Variants in CCDC178 observed in about 807,000 individuals in gnomAD.
The protein encoded by CCDC178 is coiled-coil domain-containing protein 178.
CCDC178 carries 126 observed loss-of-function variants against 117.4 expected under a neutral mutation model. The ratio of observed to expected loss-of-function variants is 1.07; its 90% confidence interval spans 0.93 to 1.24. The LOEUF (loss-of-function observed/expected upper bound fraction) is 1.24. Among genes scored for constraint, CCDC178 ranks in the 50% most tolerant of loss-of-function variants. The probability of loss-of-function intolerance (pLI) is 0.00; values close to 1 mark genes in which losing one functional copy is unlikely to be tolerated. For missense variants in CCDC178, 1,030 were observed against 986.9 expected (o/e 1.04, Z -0.59); for synonymous variants, 283 against 313.4 (o/e 0.90, Z 1.02).
chr18:33,252,510 T>C (rs1315536914), intron 14 of CCDC178, among the ~76,000 whole-genome samples: 1 of 151,758 alleles, frequency 6.6e-6, no homozygotes, highest in African/African-American at 2.4e-5. Context: ...TTTAAAACAT[T>C]GATGCAAAAG....
At chr18:32,969,665 T>C (rs1419704149) in intron 22 of CCDC178, among the ~76,000 whole-genome samples, 1 of 152,032 alleles carries the variant, frequency 6.6e-6, no homozygotes, top group African/African-American at 2.4e-5. Flanking sequence ...AGTGTGTCAA[T>C]ATGACCCTTA....
Position 33,245,414 on chromosome 18 carries a change from G to T in CCDC178, c.1424C>A (p.Ser475Ter). 6.4e-7 allele frequency: 1 copy of T among 1,556,048 alleles called. No individual in the cohort carries two copies. The highest frequency in any genetic ancestry group is 2.3e-5 in the East Asian group (1 of 42,628). Residue 475 changes from serine (S) to a stop codon, truncating the protein, a stop_gained, in exon 15 of 23, where the codon TCA becomes TAA. Transcript: ENST00000383096. LOFTEE classifies it high-confidence loss of function. ...ATATTTTATTTCAGATTCGTATTTT[G>T]ATTTTTTCCGTATGCTGTAAAAGTA... The part of the protein sequence containing the change: ...VKTNESIRKK[S>*]KYESEIKYLT...
chr18:33,112,318 C>A (rs185117996), intron 20 of CCDC178, among the ~76,000 whole-genome samples: 5 of 151,654 alleles, frequency 3.3e-5, no homozygotes, highest in Admixed American at 6.6e-5. Context: ...ATTCTCTGCC[C>A]AATTTTGTTA....
At chr18:33,306,414 G>A (rs1337345212) in intron 11 of CCDC178, among the ~76,000 whole-genome samples, 1 of 140,794 alleles carries the variant, frequency 7.1e-6, no homozygotes, top group African/African-American at 2.7e-5. Flanking sequence ...TTGGATCTTT[G>A]TGTGTGTGTG....
intron 22 of CCDC178, chr18:32,958,147 A>T: frequency 1.9e-6 from 1 of 517,064 alleles, no homozygotes; most frequent in South Asian, 2.3e-5. Flanking sequence ...AAACACAGAC[A>T]TTACGTTTGA....
intron 3 of CCDC178, among the ~76,000 whole-genome samples, chr18:33,405,786 A>G (rs2063771937): frequency 6.6e-6 from 1 of 152,086 alleles, no homozygotes; most frequent in East Asian, 1.9e-4. Flanking sequence ...TTTTTAACTA[A>G]TATCGAAGGA....
Position 33,407,378 on chromosome 18 carries a change from T to C in CCDC178, c.58+4653A>G, listed in dbSNP as rs182172322. Among the ~76,000 whole-genome samples the C allele has an allele frequency of 2.2e-4, 34 of 152,134 alleles. No homozygotes were observed. The East Asian group carries it at 6.6e-3, about 29-fold the overall frequency. ...GCGATCTAAGCAACCAAATTTAAAA[T>C]ATGTGGGACAGCAAACTCAAAGAAA... On this transcript the variant is annotated intron_variant, in intron 3 of 22. Coordinates refer to ENST00000383096, the MANE Select transcript of CCDC178 (RefSeq NM_001105528.4).
chr18:32,943,298 C>A (rs1003464661), intron 22 of CCDC178, among the ~76,000 whole-genome samples: 2 of 152,148 alleles, frequency 1.3e-5, no homozygotes, highest in Non-Finnish European at 2.9e-5. Flanking sequence ...TTCAAGTATC[C>A]TATTCCAGCC....
chr18:33,434,113 A>G lies in CCDC178; in HGVS notation c.-23+5849T>C, dbSNP rs560895795. Among the ~76,000 whole-genome samples the G allele has an allele frequency of 3.3e-5, 5 of 152,232 alleles. No homozygotes were observed. In the South Asian group the frequency reaches 1.0e-3, roughly 32 times the overall value. On this transcript the variant is annotated intron_variant, in intron 2 of 22. Transcript: ENST00000383096. ...AAGCTGGAAAATTAAGCTTTCCACT[A>G]ATTTCCTATTGTTGTTAAATTCTTC...
intron 20 of CCDC178, among the ~76,000 whole-genome samples, chr18:33,188,345 A>T (rs944749174): frequency 2.6e-5 from 4 of 152,186 alleles, no homozygotes; most frequent in Admixed American, 6.5e-5. Context: ...TACTCTGGGC[A>T]CTACTGAGAA....
intron 22 of CCDC178, among the ~76,000 whole-genome samples, chr18:32,959,301 A>G (rs1002484557): frequency 7.9e-5 from 12 of 152,122 alleles, no homozygotes; most frequent in African/African-American, 2.9e-4. Context: ...TGAAAATCCA[A>G]AGGTTAAGCC....
chr18:33,075,695 G>A lies in CCDC178; in HGVS notation c.2388+17066C>T, dbSNP rs533799737. On this transcript the variant is annotated intron_variant, in intron 21 of 22. Transcript: ENST00000383096. ...AATTATGTAGTTATTGGCCAGGCAC[G>A]GTGTGGCTCATGCCTGTAATCCTAG... 2.7e-4 allele frequency among the ~76,000 whole-genome samples: 41 copies of A among 152,218 alleles called. No individual in the cohort carries two copies. In the East Asian group the frequency reaches 3.1e-3, roughly 11 times the overall value.
At chr18:33,254,907 C>T (rs1443262925) in intron 14 of CCDC178, among the ~76,000 whole-genome samples, 2 of 152,044 alleles carry the variant, frequency 1.3e-5, no homozygotes, top group Non-Finnish European at 2.9e-5. Flanking sequence ...CCCATGTTGA[C>T]ATCTGATCCC....
chr18:33,154,923 T>C (rs2058377395), intron 20 of CCDC178, among the ~76,000 whole-genome samples: 1 of 152,080 alleles, frequency 6.6e-6, no homozygotes, highest in Non-Finnish European at 1.5e-5. Flanking sequence ...AAATCTATAA[T>C]CATAGTGGGA....
At chr18:33,165,328 C>T (rs922880270) in intron 20 of CCDC178, among the ~76,000 whole-genome samples, 22 of 152,006 alleles carry the variant, frequency 1.4e-4, no homozygotes, top group African/African-American at 4.6e-4. Context: ...AACAACAAAC[C>T]CAATCTAGTA....
At chr18:33,114,319 T>C (rs1172740654) in intron 20 of CCDC178, among the ~76,000 whole-genome samples, 1 of 151,860 alleles carries the variant, frequency 6.6e-6, no homozygotes, top group African/African-American at 2.4e-5. Context: ...TTGAGAATGC[T>C]GTGCAGGAGA....
chr18:33,192,505 G>A (rs74439007), intron 20 of CCDC178, among the ~76,000 whole-genome samples: 2,077 of 152,198 alleles, frequency 0.014, 27 homozygotes, highest in South Asian at 0.052. Flanking sequence ...GATAGGCATC[G>A]GAGAAAAAGA....
At chr18:33,342,920 C>A (rs1234234045) in intron 9 of CCDC178, among the ~76,000 whole-genome samples, 1 of 152,198 alleles carries the variant, frequency 6.6e-6, no homozygotes, top group Non-Finnish European at 1.5e-5. Flanking sequence ...TCTTCCATAG[C>A]AGTGGCATTC....
intron 12 of CCDC178, among the ~76,000 whole-genome samples, chr18:33,274,869 A>G (rs2059929053): frequency 6.6e-6 from 1 of 152,092 alleles, no homozygotes; most frequent in South Asian, 2.1e-4. Flanking sequence ...AGCACACCTT[A>G]AGCATTGCAT....
Sources: gnomAD v4.1 joint callset for allele counts (sites outside exome capture counted in the v4.1 genomes callset) on GRCh38, gnomAD v4.1.1 for gene constraint, MANE v1.5 for transcripts, NCBI Gene and HGNC (gene_info 2026-07-23, HGNC 2026-07-21) for gene names.